PLA2G4E: variants seen among roughly 807,000 people sequenced by gnomAD.
The protein encoded by PLA2G4E is cytosolic phospholipase A2 epsilon.
In PLA2G4E, 84 loss-of-function variants were observed where a neutral mutation model predicts 109.1. The observed-to-expected ratio is 0.77, with a 90% CI of 0.65 to 0.92. The LOEUF is 0.92. Ranked by LOEUF, PLA2G4E falls within the 40% of genes least tolerant of loss-of-function variation. The pLI, the probability that PLA2G4E is intolerant of heterozygous loss-of-function variation, is 0.00. For missense variants in PLA2G4E, 1,057 were observed against 1,076.6 expected (o/e 0.98, Z 0.25); for synonymous variants, 469 against 436.1 (o/e 1.08, Z -0.94).
At chr15:42,018,570 G>A (rs538325859) in intron 1 of PLA2G4E, among the ~76,000 whole-genome samples, 1 of 152,284 alleles carries the variant, frequency 6.6e-6, no homozygotes, top group South Asian at 2.1e-4. Context: ...GCTCAAGGCA[G>A]GAACTGTTTG....
At chr15:42,032,123 G>A (rs562802862) in intron 1 of PLA2G4E, among the ~76,000 whole-genome samples, 10 of 152,232 alleles carry the variant, frequency 6.6e-5, no homozygotes, top group East Asian at 5.8e-4. Flanking sequence ...CTTCTGCCAC[G>A]AGTAAAAGCT....
chr15:42,017,068 C>T (rs192878242), intron 1 of PLA2G4E, among the ~76,000 whole-genome samples: 71 of 152,370 alleles, frequency 4.7e-4, no homozygotes, highest in African/African-American at 1.6e-3. Context: ...CACCGGCCCA[C>T]TTTCTCAGAG....
chr15:42,024,924 G>A (rs2068679814), intron 1 of PLA2G4E, among the ~76,000 whole-genome samples: 1 of 152,172 alleles, frequency 6.6e-6, no homozygotes, highest in Non-Finnish European at 1.5e-5. Flanking sequence ...AGAGGAGCCA[G>A]GCGCGGTGGC....
chr15:42,004,441 A>T (rs992680930), intron 5 of PLA2G4E, among the ~76,000 whole-genome samples: 5 of 151,346 alleles, frequency 3.3e-5, no homozygotes, highest in Admixed American at 6.6e-5. Flanking sequence ...AAGAAAGAAG[A>T]TTGGAAAGAA....
intron 1 of PLA2G4E, among the ~76,000 whole-genome samples, chr15:42,035,582 T>C (rs546861591): frequency 1.7e-4 from 26 of 152,194 alleles, no homozygotes; most frequent in African/African-American, 6.0e-4. Context: ...CCACAGGAAA[T>C]GGAAATCATG....
At chr15:41,990,327 C>T (rs1381677831) in intron 13 of PLA2G4E, 92 bp from the exon 14 acceptor site, 4 of 1,124,942 alleles carry the variant, frequency 3.6e-6, no homozygotes, top group Non-Finnish European at 5.2e-6. Context: ...CCCCCGCAGC[C>T]ACTTCCTGGC....
intron 1 of PLA2G4E, among the ~76,000 whole-genome samples, chr15:42,042,880 A>G: frequency 6.6e-6 from 1 of 152,218 alleles, no homozygotes. Context: ...GCTTGAAACT[A>G]TAGAGCAAGG....
chr15:41,986,422 C>T (rs956462689), intron 17 of PLA2G4E, among the ~76,000 whole-genome samples: 8 of 152,146 alleles, frequency 5.3e-5, no homozygotes, highest in East Asian at 1.9e-4. Context: ...ACTGAGCTGA[C>T]GCTGCAGGAC....
chr15:42,037,946 C>T (rs920483523), intron 1 of PLA2G4E, among the ~76,000 whole-genome samples: 2 of 152,236 alleles, frequency 1.3e-5, no homozygotes, highest in Non-Finnish European at 2.9e-5. Flanking sequence ...GTAGTGTGAG[C>T]TGAGTGCAGC....
chr15:42,049,696 C>T (rs1889474638), intron 1 of PLA2G4E, among the ~76,000 whole-genome samples: 1 of 152,116 alleles, frequency 6.6e-6, no homozygotes, highest in Non-Finnish European at 1.5e-5. Flanking sequence ...GGATCTTGGC[C>T]AGTTCTCCCT....
At chr15:42,010,530 C>A (rs2068525909) in intron 2 of PLA2G4E, among the ~76,000 whole-genome samples, 1 of 152,192 alleles carries the variant, frequency 6.6e-6, no homozygotes, top group African/African-American at 2.4e-5. Context: ...CTGAGAATTT[C>A]ATGGACTATG....
chr15:42,020,900 C>A (rs1055573316), intron 1 of PLA2G4E, among the ~76,000 whole-genome samples, 35 bp downstream of exon 1: 12 of 152,022 alleles, frequency 7.9e-5, no homozygotes, highest in African/African-American at 2.9e-4. Context: ...TGGCCCTCAG[C>A]CTCTGGCCCC....
At chr15:42,025,202 GA>G (rs112998968) in intron 1 of PLA2G4E, among the ~76,000 whole-genome samples, 228 of 83,298 alleles carry the variant, frequency 2.7e-3, no homozygotes, top group African/African-American at 3.1e-3. Context: ...TCTCAAAAAA[GA>G]AAAAAAAAAA....
intron 10 of PLA2G4E, 146 bp from the exon 11 acceptor site, chr15:41,997,405 T>TAAAGTGGGGCGAATCGTGCTGAACTCTCA: frequency 1.1e-6 from 1 of 881,734 alleles, no homozygotes; most frequent in Non-Finnish European, 1.6e-6. Flanking sequence ...TTCCCATCTG[T>TAAAGTGGGGCGAATCGTGCTGAACTCTCA]AAAGTGGGGC....
chr15:42,007,678 A>AGG lies in PLA2G4E; in HGVS notation c.393+49_393+50dup, dbSNP rs2068490155. On this transcript the variant is annotated intron_variant, in intron 3 of 19. Transcript: ENST00000399518. ...GCAAAGAGAAGGACAAGTGGGCAAG[A>AGG]GGGGAGTAAAATGCAGACAGGGAAG... 1.9e-6 allele frequency: 3 copies of AGG among 1,576,056 alleles called. No homozygotes were observed. In the East Asian group the frequency reaches 6.8e-5, roughly 36 times the overall value.
At chr15:41,989,822 GCTCTCTCGAGT>G (rs1390331122) in intron 14 of PLA2G4E, among the ~76,000 whole-genome samples, 1 of 152,254 alleles carries the variant, frequency 6.6e-6, no homozygotes, top group African/African-American at 2.4e-5. Flanking sequence ...AAGCAGGGCA[GCTCTCTCGAGT>G]CTCTCTCTCT....
intron 1 of PLA2G4E, among the ~76,000 whole-genome samples, chr15:42,026,762 C>T (rs753012450): frequency 1.1e-4 from 17 of 152,094 alleles, no homozygotes; most frequent in Admixed American, 9.2e-4. Context: ...CATTTGAGGT[C>T]AGGAGTTCGA....
chr15:42,004,841 A>G, intron 5 of PLA2G4E, 97 bp downstream of exon 5: 1 of 1,289,630 alleles, frequency 7.8e-7, no homozygotes, highest in South Asian at 1.3e-5. Context: ...GAAGAGGGTG[A>G]GGCAGCAAAA....
chr15:41,990,365 G>C, intron 13 of PLA2G4E, 130 bp from the exon 14 acceptor site: 1 of 782,894 alleles, frequency 1.3e-6, no homozygotes. Context: ...TGCTGTATCG[G>C]CCCCAGCTGA....
Sources: allele counts gnomAD v4.1 joint callset (sites outside exome capture counted in the v4.1 genomes callset), GRCh38; gene constraint gnomAD v4.1.1; transcripts MANE v1.5; gene names NCBI Gene and HGNC (gene_info 2026-07-23, HGNC 2026-07-21).